Variants in TMEM135 observed in about 807,000 individuals in gnomAD.
TMEM135 encodes peroxisomal membrane protein 52.
TMEM135 carries 30 observed loss-of-function variants against 60.3 expected under a neutral mutation model. The observed-to-expected ratio is 0.50, with a 90% CI of 0.37 to 0.68. The LOEUF is 0.68. Among genes scored for constraint, TMEM135 ranks in the 30% least tolerant of loss-of-function variants. TMEM135 has a pLI of 0.00. For missense variants in TMEM135, 468 were observed against 548.8 expected (o/e 0.85, Z 1.47); for synonymous variants, 190 against 186.7 (o/e 1.02, Z -0.14).
intron 1 of TMEM135, among the ~76,000 whole-genome samples, chr11:87,045,532 G>C (rs144539949): frequency 1.6e-4 from 25 of 152,292 alleles, no homozygotes; most frequent in African/African-American, 5.8e-4. Context: ...CCTCTTAGTT[G>C]TCATAGATGA....
At chr11:87,134,915 CTT>C (rs1305494390) in intron 4 of TMEM135, among the ~76,000 whole-genome samples, 1 of 152,280 alleles carries the variant, frequency 6.6e-6, no homozygotes, top group East Asian at 1.9e-4. Context: ...AAAGGCCAGT[CTT>C]TTAAAATTTA....
chr11:87,231,645 T>C (rs959763561), intron 5 of TMEM135, among the ~76,000 whole-genome samples: 2 of 152,106 alleles, frequency 1.3e-5, no homozygotes, highest in African/African-American at 4.8e-5. Flanking sequence ...ATAGGAAAAT[T>C]TGAGCCATAA....
intron 6 of TMEM135, among the ~76,000 whole-genome samples, chr11:87,239,586 T>C (rs1242833565): frequency 6.6e-6 from 1 of 152,056 alleles, no homozygotes; most frequent in Non-Finnish European, 1.5e-5. Flanking sequence ...GATAGTCAAA[T>C]GATATTGTTC....
intron 3 of TMEM135, among the ~76,000 whole-genome samples, chr11:87,079,813 A>G (rs2512388): frequency 0.54 from 79,853 of 146,684 alleles, 22,517 homozygotes; most frequent in East Asian, 0.7. Context: ...ATAAGATCAT[A>G]TGATCTTTTT....
intron 6 of TMEM135, among the ~76,000 whole-genome samples, chr11:87,285,041 T>G (rs1026499050): frequency 2.5e-4 from 38 of 152,348 alleles, no homozygotes; most frequent in African/African-American, 8.7e-4. Context: ...AATATACTTA[T>G]GTGATTAGAA....
In TMEM135 at chr11:87,159,589, A is replaced by G. The variant is rs1042006841; in HGVS notation, c.462+2183A>G. Among the ~76,000 whole-genome samples, 19 of 146,666 alleles carry G rather than the reference A, an allele frequency of 1.3e-4. No individual in the cohort carries two copies. The East Asian group carries it at 1.7e-3, about 13-fold the overall frequency. ...ATCAAAGATACTACTGAATACACAC[A>G]CGCGCACACACACACACACACACAC... On this transcript the variant is annotated intron_variant, in intron 5 of 14. Transcript: ENST00000305494.
At chr11:87,088,947 T>G (rs1304460212) in intron 3 of TMEM135, among the ~76,000 whole-genome samples, 2 of 152,186 alleles carry the variant, frequency 1.3e-5, no homozygotes, top group African/African-American at 4.8e-5. Context: ...AAATTTCACA[T>G]TTAAGTACTG....
intron 3 of TMEM135, among the ~76,000 whole-genome samples, chr11:87,084,482 A>T (rs1362387775): frequency 6.6e-6 from 1 of 152,012 alleles, no homozygotes; most frequent in Non-Finnish European, 1.5e-5. Flanking sequence ...TCAGTTTTTT[A>T]TTTTTGGTAG....
intron 4 of TMEM135, among the ~76,000 whole-genome samples, chr11:87,143,342 T>C (rs1938317877): frequency 6.7e-6 from 1 of 150,178 alleles, no homozygotes; most frequent in Non-Finnish European, 1.5e-5. Context: ...TCAGTCTTCA[T>C]TGACTTCTTT....
At chr11:87,310,436 A>G (rs1590863708) in intron 10 of TMEM135, among the ~76,000 whole-genome samples, 1 of 152,184 alleles carries the variant, frequency 6.6e-6, no homozygotes, top group South Asian at 2.1e-4. Flanking sequence ...GACCTAACAC[A>G]TGGACATAAA....
At chr11:87,093,920 A>G (rs960255122) in intron 4 of TMEM135, among the ~76,000 whole-genome samples, 1 of 152,196 alleles carries the variant, frequency 6.6e-6, no homozygotes, top group Non-Finnish European at 1.5e-5. Context: ...TAAACACCAG[A>G]CTTAACATAA....
intron 5 of TMEM135, among the ~76,000 whole-genome samples, chr11:87,219,993 A>G (rs190081074): frequency 6.6e-6 from 1 of 152,344 alleles, no homozygotes; most frequent in East Asian, 1.9e-4. Flanking sequence ...AAAAGCATGT[A>G]AATGTCTAGG....
intron 4 of TMEM135, among the ~76,000 whole-genome samples, chr11:87,132,049 G>T (rs554241392): frequency 6.6e-6 from 1 of 152,042 alleles, no homozygotes; most frequent in South Asian, 2.1e-4. Flanking sequence ...CTAGTTACAG[G>T]AAAAAAGGCT....
At chr11:87,090,632 A>G (rs1352505574) in intron 3 of TMEM135, among the ~76,000 whole-genome samples, 3 of 152,126 alleles carry the variant, frequency 2.0e-5, no homozygotes, top group African/African-American at 4.8e-5. Context: ...TATTGAAGAC[A>G]TTTCCTAGAG....
At chr11:87,122,668 C>T (rs571479077) in intron 4 of TMEM135, among the ~76,000 whole-genome samples, 1 of 152,088 alleles carries the variant, frequency 6.6e-6, no homozygotes, top group African/African-American at 2.4e-5. Flanking sequence ...GCCATGTTGG[C>T]CAGGCTGATC....
intron 7 of TMEM135, among the ~76,000 whole-genome samples, chr11:87,300,137 C>G (rs1434073341): frequency 6.6e-6 from 1 of 152,134 alleles, no homozygotes; most frequent in East Asian, 1.9e-4. Flanking sequence ...TCACTCTGCA[C>G]CAGATACTGA....
chr11:87,192,890 A>G (rs1939845764), intron 5 of TMEM135, among the ~76,000 whole-genome samples: 1 of 152,136 alleles, frequency 6.6e-6, no homozygotes, highest in African/African-American at 2.4e-5. Flanking sequence ...AAAGGTGGGC[A>G]GATCACTTGA....
At chr11:87,252,386 G>A (rs1328272624) in intron 6 of TMEM135, among the ~76,000 whole-genome samples, 1 of 151,870 alleles carries the variant, frequency 6.6e-6, no homozygotes, top group East Asian at 1.9e-4. Flanking sequence ...TTAAGTGAAA[G>A]AGGACTGAAA....
At chr11:87,056,661 A>T (rs1479564078) in intron 1 of TMEM135, among the ~76,000 whole-genome samples, 1 of 152,194 alleles carries the variant, frequency 6.6e-6, no homozygotes, top group African/African-American at 2.4e-5. Flanking sequence ...ATCAACAAAT[A>T]GTGAGGCAGT....
Sources: allele counts gnomAD v4.1 joint callset (sites outside exome capture counted in the v4.1 genomes callset), GRCh38; gene constraint gnomAD v4.1.1; transcripts MANE v1.5; gene names NCBI Gene and HGNC (gene_info 2026-07-23, HGNC 2026-07-21).